The following WWOX variants were observed in gnomAD, a reference collection of about 807,000 sequenced individuals.
The protein encoded by WWOX is WW domain-containing oxidoreductase.
A neutral mutation model predicts 46.2 loss-of-function variants in WWOX; 69 were observed. The ratio of observed to expected loss-of-function variants is 1.49; its 90% CI spans 1.23 to 1.82. The LOEUF (loss-of-function observed/expected upper bound fraction) is 1.82, where lower values mean the gene tolerates loss of function less well. Ranked by LOEUF, WWOX falls within the 40% of genes most tolerant of loss-of-function variation. The pLI is 0.00. For missense variants in WWOX, 919 were observed against 542.6 expected (o/e 1.69, Z -6.89); for synonymous variants, 359 against 202.6 (o/e 1.77, Z -6.56).
chr16:78,837,412 A>G lies in WWOX; in HGVS notation c.1057-374196A>G, dbSNP rs375840614. ...TTCTGTGTGATATTGCATCAAGGCA[A>G]TTCACGGCAGTGGTTGAACCAAAAG... On this transcript the variant is annotated intron_variant, in intron 8 of 8. Transcript: ENST00000566780. Among the ~76,000 whole-genome samples the G allele has an allele frequency of 3.5e-4, 54 of 152,328 alleles. 1 individual carries two copies. The highest frequency in any genetic ancestry group is 1.7e-3 in the South Asian group (8 of 4,830).
chr16:78,822,368 C>T (rs983715725), intron 8 of WWOX, among the ~76,000 whole-genome samples: 2 of 152,120 alleles, frequency 1.3e-5, no homozygotes, highest in Non-Finnish European at 2.9e-5. Flanking sequence ...GTGGCATGTG[C>T]CTGTAATCTT....
At chr16:78,462,444 A>G (rs1305256118) in intron 8 of WWOX, among the ~76,000 whole-genome samples, 1 of 152,174 alleles carries the variant, frequency 6.6e-6, no homozygotes, top group Non-Finnish European at 1.5e-5. Context: ...TTGCCAGCAT[A>G]AAGGAAACTG....
chr16:78,749,944 C>G (rs1362703970), intron 8 of WWOX, among the ~76,000 whole-genome samples: 1 of 152,178 alleles, frequency 6.6e-6, no homozygotes, highest in Non-Finnish European at 1.5e-5. Context: ...AAAAGTCTTG[C>G]ACTGTTTACA....
intron 8 of WWOX, among the ~76,000 whole-genome samples, chr16:79,060,708 C>A (rs570274845): frequency 6.6e-6 from 1 of 152,204 alleles, no homozygotes; most frequent in African/African-American, 2.4e-5. Context: ...TTTAATGTAA[C>A]CAATGAGGCC....
intron 8 of WWOX, among the ~76,000 whole-genome samples, chr16:78,571,975 A>G (rs770514080): frequency 5.3e-5 from 8 of 152,226 alleles, no homozygotes; most frequent in Non-Finnish European, 1.0e-4. Flanking sequence ...ATGTGGAGAA[A>G]TAGGGAATTT....
At chr16:79,097,348 CTT>C (rs545489914) in intron 8 of WWOX, among the ~76,000 whole-genome samples, 76 of 136,748 alleles carry the variant, frequency 5.6e-4, no homozygotes, top group Middle Eastern at 3.9e-3. Context: ...GGCTCCAAAA[CTT>C]TTTTTTTTTT....
intron 8 of WWOX, among the ~76,000 whole-genome samples, chr16:78,885,777 AGAAG>A (rs1764383901): frequency 1.3e-5 from 2 of 152,152 alleles, no homozygotes; most frequent in African/African-American, 4.8e-5. Flanking sequence ...TTTACCTAAT[AGAAG>A]GATCGGATTC....
intron 5 of WWOX, among the ~76,000 whole-genome samples, chr16:78,298,653 T>G (rs1465262438): frequency 6.6e-6 from 1 of 152,098 alleles, no homozygotes; most frequent in Non-Finnish European, 1.5e-5. Flanking sequence ...TTGCCACGCT[T>G]AGTGGCACAT....
At chr16:79,197,906 C>T (rs1354723925) in intron 8 of WWOX, among the ~76,000 whole-genome samples, 2 of 152,118 alleles carry the variant, frequency 1.3e-5, no homozygotes, top group Non-Finnish European at 2.9e-5. Flanking sequence ...AGTTATGCTT[C>T]CCAGCCTCTA....
intron 8 of WWOX, among the ~76,000 whole-genome samples, chr16:78,734,548 C>T (rs191340137): frequency 3.7e-4 from 57 of 152,260 alleles, no homozygotes; most frequent in Non-Finnish European, 5.0e-4. Flanking sequence ...CCTCACTGAA[C>T]TTGAGAGCAG....
In WWOX at chr16:78,972,349, C is replaced by T. The variant is rs185166875; in HGVS notation, c.1057-239259C>T. 3.3e-5 allele frequency among the ~76,000 whole-genome samples: 5 copies of T among 151,918 alleles called. 1 individual carries two copies. Among genetic ancestry groups the T allele is most frequent in the African/African-American group, 1.2e-4 (5 of 41,392 alleles). ...CAGGAGGGCTTTATTGGATGGGAGCCGTGAAGTGAGCGCCGTGTATTTCAA... is the reference window on the plus strand; with the variant it reads ...CAGGAGGGCTTTATTGGATGGGAGCTGTGAAGTGAGCGCCGTGTATTTCAA... On this transcript the variant is annotated intron_variant, in intron 8 of 8. Coordinates refer to ENST00000566780, the MANE Select transcript of WWOX (RefSeq NM_016373.4).
chr16:78,830,869 C>G lies in WWOX; in HGVS notation c.1057-380739C>G, dbSNP rs536511786. On this transcript the variant is annotated intron_variant, in intron 8 of 8. Transcript: ENST00000566780. ...GTGTCCTTTTCTTTCTCCTACAGCC[C>G]CATCCTTACCCTCTATAGCCATCAG... is the stretch of plus-strand genomic sequence containing the variant. Among the ~76,000 whole-genome samples, 4 of 152,116 alleles carry G rather than the reference C, an allele frequency of 2.6e-5. No homozygotes were observed. In the South Asian group the frequency reaches 6.2e-4, roughly 24 times the overall value.
At chr16:78,561,970 C>T (rs956753970) in intron 8 of WWOX, among the ~76,000 whole-genome samples, 3 of 111,790 alleles carry the variant, frequency 2.7e-5, no homozygotes, top group African/African-American at 1.6e-4. Flanking sequence ...ATGACTTTTG[C>T]ACCAACCTAA....
At chr16:78,744,876 C>G (rs1390539874) in intron 8 of WWOX, among the ~76,000 whole-genome samples, 3 of 152,238 alleles carry the variant, frequency 2.0e-5, no homozygotes, top group Non-Finnish European at 1.5e-5. Flanking sequence ...CAAAGAAGAG[C>G]AACACTCTAG....
chr16:78,289,295 C>G (rs188165814), intron 5 of WWOX, among the ~76,000 whole-genome samples: 6 of 152,146 alleles, frequency 3.9e-5, no homozygotes, highest in African/African-American at 1.4e-4. Context: ...AGAATAAAAC[C>G]TAGGCGAGGA....
chr16:79,154,018 C>G lies in WWOX; in HGVS notation c.1057-57590C>G, dbSNP rs1209993577. The stretch of plus-strand genomic sequence containing the variant: ...ATTTAGAATTTGGGAGAAAAAGGAG[C>G]AAGGCATACTGCCCAAATCCAAAAC... On this transcript the variant is annotated intron_variant, in intron 8 of 8. Coordinates refer to ENST00000566780, the MANE Select transcript of WWOX (RefSeq NM_016373.4). Among the ~76,000 whole-genome samples the G allele has an allele frequency of 3.9e-5, 6 of 152,270 alleles. No individual in the cohort carries two copies. The East Asian group carries it at 9.7e-4, about 25-fold the overall frequency.
At chr16:78,549,284 A>G (rs2044121103) in intron 8 of WWOX, among the ~76,000 whole-genome samples, 1 of 152,196 alleles carries the variant, frequency 6.6e-6, no homozygotes, top group Non-Finnish European at 1.5e-5. Context: ...CAGATATATA[A>G]AGCTTATTTC....
chr16:78,876,619 G>C (rs935379330), intron 8 of WWOX, among the ~76,000 whole-genome samples: 3 of 152,020 alleles, frequency 2.0e-5, no homozygotes, highest in African/African-American at 7.2e-5. Flanking sequence ...AATTTTCAAA[G>C]TACTGCTTTC....
intron 5 of WWOX, among the ~76,000 whole-genome samples, chr16:78,217,703 A>G (rs967934649): frequency 9.2e-5 from 14 of 152,116 alleles, no homozygotes; most frequent in Non-Finnish European, 1.9e-4. Flanking sequence ...TAAAGGCAAG[A>G]TTCATGCATT....
Sources: gnomAD v4.1 joint callset for allele counts (sites outside exome capture counted in the v4.1 genomes callset) on GRCh38, gnomAD v4.1.1 for gene constraint, MANE v1.5 for transcripts, NCBI Gene and HGNC (gene_info 2026-07-23, HGNC 2026-07-21) for gene names.